Variants in TBL1X observed in about 807,000 individuals in gnomAD.
The protein encoded by TBL1X is F-box-like/WD repeat-containing protein TBL1X.
In TBL1X, 10 loss-of-function variants were observed where a neutral mutation model predicts 50.7. The observed-to-expected ratio is 0.20, with a 90% CI of 0.12 to 0.33. The LOEUF (loss-of-function observed/expected upper bound fraction) is 0.33, where lower values mean the gene tolerates loss of function less well. Among genes scored for constraint, TBL1X ranks in the 10% least tolerant of loss-of-function variants. The pLI is 1.00. For missense variants in TBL1X, 340 were observed against 504.4 expected (o/e 0.67, Z 3.12); for synonymous variants, 190 against 214.7 (o/e 0.88, Z 1.01).
At chrX:9,546,097 C>T (rs1414014581) in intron 2 of TBL1X, among the ~76,000 whole-genome samples, 1 of 112,016 alleles carries the variant, frequency 8.9e-6, no homozygotes, top group Non-Finnish European at 1.9e-5. Flanking sequence ...TCCCTTCTCT[C>T]TGTTACCAAT....
intron 1 of TBL1X, among the ~76,000 whole-genome samples, chrX:9,498,812 T>G (rs2081985918): frequency 8.9e-6 from 1 of 112,188 alleles, no homozygotes; most frequent in Non-Finnish European, 1.9e-5. Flanking sequence ...GCGAGCTTGG[T>G]TTCCCCTTTG....
chrX:9,556,712 C>G (rs1248821005), intron 2 of TBL1X, among the ~76,000 whole-genome samples: 1 of 109,792 alleles, frequency 9.1e-6, no homozygotes, highest in Non-Finnish European at 1.9e-5. Context: ...GGGTCTTATT[C>G]TGCTAAAATC....
At chrX:9,580,715 A>T (rs1327515561) in intron 2 of TBL1X, among the ~76,000 whole-genome samples, 18 of 111,182 alleles carry the variant, frequency 1.6e-4, no homozygotes, top group Non-Finnish European at 2.8e-4. Context: ...TGCAGGGGGA[A>T]GGGGGGGTGC....
At chrX:9,655,046 A>G (rs1206166520) in intron 5 of TBL1X, among the ~76,000 whole-genome samples, 2 of 110,551 alleles carry the variant, frequency 1.8e-5, no homozygotes, top group African/African-American at 3.3e-5. Context: ...AACCCCGCCC[A>G]TGTTTGCCTC....
intron 2 of TBL1X, among the ~76,000 whole-genome samples, chrX:9,585,340 TCC>T (rs397840236): frequency 5.2e-5 from 3 of 58,131 alleles, no homozygotes; most frequent in African/African-American, 1.9e-4. Context: ...CCCCCTCCCC[TCC>T]CCCCCCCGCC....
intron 7 of TBL1X, among the ~76,000 whole-genome samples, chrX:9,688,899 A>G (rs67769325): frequency 0.46 from 52,022 of 112,878 alleles, 8,690 homozygotes; most frequent in African/African-American, 0.55. Context: ...GTGTGCGCGC[A>G]TGCACTTGCA....
intron 1 of TBL1X, among the ~76,000 whole-genome samples, chrX:9,488,924 G>A (rs1443107596): frequency 1.8e-5 from 2 of 111,024 alleles, no homozygotes; most frequent in African/African-American, 3.3e-5. Context: ...GGTCTCAAGC[G>A]ATCCTCCCTC....
At chrX:9,674,930 A>C (rs2082984393) in intron 5 of TBL1X, among the ~76,000 whole-genome samples, 1 of 111,102 alleles carries the variant, frequency 9.0e-6, no homozygotes, top group Non-Finnish European at 1.9e-5. Flanking sequence ...ATTTGCATAC[A>C]CCTGGAGTAT....
At chrX:9,501,340 ATTG>A (rs1392349300) in intron 1 of TBL1X, among the ~76,000 whole-genome samples, 1 of 111,959 alleles carries the variant, frequency 8.9e-6, no homozygotes, top group East Asian at 2.8e-4. Context: ...AAAACATACT[ATTG>A]TTGGCATCCA....
At chrX:9,563,951 C>T (rs1191855774) in intron 2 of TBL1X, among the ~76,000 whole-genome samples, 1 of 112,518 alleles carries the variant, frequency 8.9e-6, no homozygotes, top group Non-Finnish European at 1.9e-5. Flanking sequence ...AGTATCTATG[C>T]ACTTCCCGGA....
chrX:9,491,338 A>ATTTTTT (rs1157943868), intron 1 of TBL1X, among the ~76,000 whole-genome samples: 10 of 31,312 alleles, frequency 3.2e-4, no homozygotes, highest in African/African-American at 7.0e-4. Flanking sequence ...ATATATATAT[A>ATTTTTT]TTTTTTTTTT....
chrX:9,600,555 G>C (rs5978331), intron 2 of TBL1X, among the ~76,000 whole-genome samples: 4 of 108,135 alleles, frequency 3.7e-5, no homozygotes, highest in African/African-American at 1.4e-4. Flanking sequence ...TTGTTCCTTT[G>C]TAACACAGAA....
chrX:9,590,372 TTAAA>T (rs1397409381), intron 2 of TBL1X, among the ~76,000 whole-genome samples: 8 of 89,179 alleles, frequency 9.0e-5, no homozygotes, highest in East Asian at 5.9e-4. Flanking sequence ...GTTTTTTTTT[TTAAA>T]AAAGTCAGAT....
At chrX:9,666,461 CATT>C (rs896663774) in intron 5 of TBL1X, among the ~76,000 whole-genome samples, 3 of 111,176 alleles carry the variant, frequency 2.7e-5, no homozygotes, top group African/African-American at 9.9e-5. Flanking sequence ...AAAATAGAAA[CATT>C]AATGCATTTA....
At position 9,587,592 on chromosome X, in the gene TBL1X, A is replaced by G. The variant is rs141210180; in HGVS notation, c.-130-52681A>G. 5.5e-3 allele frequency among the ~76,000 whole-genome samples: 614 copies of G among 111,613 alleles called. 5 individuals are homozygous for G. Among genetic ancestry groups the G allele is most frequent in the South Asian group, 0.054 (143 of 2,645 alleles). On this transcript the variant is annotated intron_variant, in intron 2 of 17. Transcript: ENST00000645353. ...GGGAGAAAAATTTGAGGGGGTGACA[A>G]ACACCACAGACATCAAGATAAATTA... is the stretch of plus-strand genomic sequence containing the variant.
chrX:9,625,129 C>T (rs1474417522), intron 2 of TBL1X, among the ~76,000 whole-genome samples: 1 of 112,227 alleles, frequency 8.9e-6, no homozygotes, highest in African/African-American at 3.2e-5. Flanking sequence ...CTGGTGAAAA[C>T]GTCTGCAGGT....
chrX:9,710,949 T>C (rs764269997), intron 15 of TBL1X, among the ~76,000 whole-genome samples: 2 of 112,443 alleles, frequency 1.8e-5, no homozygotes, highest in Admixed American at 1.9e-4. Flanking sequence ...TGTATTAATT[T>C]AGTTGGTAAT....
intron 6 of TBL1X, among the ~76,000 whole-genome samples, chrX:9,687,562 G>A (rs1447056138): frequency 9.0e-6 from 1 of 111,054 alleles, no homozygotes; most frequent in Non-Finnish European, 1.9e-5. Flanking sequence ...TGGATGTTGA[G>A]CAGCGTCCCT....
At chrX:9,693,536 G>C in intron 11 of TBL1X, 117 bp downstream of exon 11, 1 of 702,961 alleles carries the variant, frequency 1.4e-6, no homozygotes, top group African/African-American at 2.2e-5. Flanking sequence ...CTTAAGAAAT[G>C]AAAATGATTT....
Sources: allele counts gnomAD v4.1 joint callset (sites outside exome capture counted in the v4.1 genomes callset), GRCh38; gene constraint gnomAD v4.1.1; transcripts MANE v1.5; gene names NCBI Gene and HGNC (gene_info 2026-07-23, HGNC 2026-07-21).